ANKRD11: variants seen among roughly 807,000 people sequenced by gnomAD.
ANKRD11 encodes the protein ankyrin repeat domain 11.
Under a neutral mutation model 195.7 loss-of-function variants are expected in ANKRD11, and 17 were observed. That is an observed-to-expected ratio of 0.09 (90% CI 0.06 to 0.13). The LOEUF is 0.13. ANKRD11 is among the 10% of genes least tolerant of loss of function. The pLI is 1.00. For missense variants in ANKRD11, 3,735 were observed against 3,566.1 expected, an observed-to-expected ratio of 1.05 and a Z score of -1.21; for synonymous variants, 1,953 against 1,528.1, an observed-to-expected ratio of 1.28 and a Z score of -6.49.
Position 89,267,907 on chromosome 16 carries a change from A to G in ANKRD11, c.*571T>C, listed in dbSNP as rs2032765248. The G allele has an allele frequency of 1.3e-5, 2 of 157,416 alleles. No homozygotes were observed. Among genetic ancestry groups the G allele is most frequent in the African/African-American group, 4.8e-5 (2 of 41,408 alleles). The allele number at this position is 157,416 out of a possible 1,614,324, so 9.8% of individuals were successfully genotyped here. The stretch of plus-strand genomic sequence containing the variant: ...ACCACGCGGATTTGACTCCATTTCA[A>G]TACGGCTGGGAGTCCTGGCTCTGTG... On this transcript the variant is annotated 3_prime_UTR_variant, in exon 13 of 13. Transcript: ENST00000301030.
chr16:89,416,724 G>A (rs2042325523), intron 2 of ANKRD11, among the ~76,000 whole-genome samples: 1 of 150,794 alleles, frequency 6.6e-6, no homozygotes, highest in Non-Finnish European at 1.5e-5. Flanking sequence ...GAGAGCAGGG[G>A]TTCAAGACAG....
intron 1 of ANKRD11, among the ~76,000 whole-genome samples, chr16:89,452,025 G>A (rs187543754): frequency 1.1e-4 from 17 of 152,202 alleles, no homozygotes; most frequent in East Asian, 7.7e-4. Flanking sequence ...TTGGGAGGCC[G>A]AGGCAGGTGG....
chr16:89,309,107 C>T (rs374738402), intron 3 of ANKRD11, among the ~76,000 whole-genome samples: 133 of 152,300 alleles, frequency 8.7e-4, no homozygotes, highest in Middle Eastern at 6.8e-3. Context: ...CACCATGTGA[C>T]GCCACCACAC....
rs1470161221 is a variant in ANKRD11, at chr16:89,284,430, T to C, written c.2112A>G (p.Lys704=). 1 of 1,613,330 alleles carries C rather than the reference T, an allele frequency of 6.2e-7. No individual in the cohort carries two copies. Among genetic ancestry groups the C allele is most frequent in the Non-Finnish European group, 8.5e-7 (1 of 1,179,928 alleles). ...FKKEEKLSKM[K]LEEKEWLFKD... ...TAAAGAGCCATTCTTTTTCTTCTAA[T>C]TTCATTTTGCTAAGTTTCTCTTCTT... The change falls in exon 9 of 13, where the codon AAA becomes AAG. Residue 704 remains lysine (K), a synonymous_variant. Coordinates refer to ENST00000301030, the MANE Select transcript of ANKRD11 (RefSeq NM_013275.6).
At chr16:89,271,075 C>T (rs1186831170) in intron 11 of ANKRD11, 166 bp from the exon 12 acceptor site, 4 of 693,206 alleles carry the variant, frequency 5.8e-6, no homozygotes, top group South Asian at 1.6e-5. Context: ...GGCAGGCGCA[C>T]CCTGCCCATC....
At position 89,283,277 on chromosome 16, in the gene ANKRD11, TCTC is replaced by T. The variant is rs780245711; in HGVS notation, c.3262_3264del (p.Glu1088del). 2.5e-6 allele frequency: 4 copies of T among 1,614,064 alleles called. No homozygotes were observed. Among genetic ancestry groups the T allele is most frequent in the South Asian group, 2.2e-5 (2 of 91,090 alleles). On this transcript the variant is annotated inframe_deletion, in exon 9 of 13. Coordinates refer to ENST00000301030, the MANE Select transcript of ANKRD11 (RefSeq NM_013275.6). The surrounding 1 kb of genome is among the most constrained non-coding windows in gnomAD (Gnocchi z 4.3). ...TCTGAGATGATCCCAGGGAAAGCCT[TCTC>T]CTTCTTCTCTTTCCCTTGGTCGAGA...
intron 2 of ANKRD11, among the ~76,000 whole-genome samples, chr16:89,402,703 C>T (rs1275109883): frequency 1.2e-5 from 1 of 83,790 alleles, no homozygotes; most frequent in Non-Finnish European, 2.4e-5. Context: ...GGTGGCTCTG[C>T]GAGGTTAGGA....
intron 1 of ANKRD11, among the ~76,000 whole-genome samples, chr16:89,425,635 TGGGCCG>T (rs1436105046): frequency 6.6e-6 from 1 of 152,146 alleles, no homozygotes; most frequent in Non-Finnish European, 1.5e-5. Context: ...GCGGACAAGG[TGGGCCG>T]GTTATTTCGA....
In ANKRD11 at chr16:89,355,563, C is replaced by T. The variant is rs761445858; in HGVS notation, c.-59-38485G>A. 4.1e-4 allele frequency among the ~76,000 whole-genome samples: 63 copies of T among 152,266 alleles called. 2 individuals carry two copies. Among genetic ancestry groups the T allele is most frequent in the African/African-American group, 2.4e-4 (10 of 41,544 alleles). On this transcript the variant is annotated intron_variant, in intron 2 of 12. Coordinates refer to ENST00000301030, the MANE Select transcript of ANKRD11 (RefSeq NM_013275.6). ...TGAACGCTCTCTCTTCCAGCAGGGA[C>T]GGCCCCAGACATCGAGTATCACAAC...
At chr16:89,389,185 A>ATT (rs879261011) in intron 2 of ANKRD11, among the ~76,000 whole-genome samples, 3 of 146,572 alleles carry the variant, frequency 2.0e-5, no homozygotes, top group Non-Finnish European at 4.5e-5. Flanking sequence ...CGTCTGGCTA[A>ATT]TTTTTTTTTT....
chr16:89,395,240 A>T (rs1039626213), intron 2 of ANKRD11, among the ~76,000 whole-genome samples: 1 of 152,246 alleles, frequency 6.6e-6, no homozygotes, highest in African/African-American at 2.4e-5. Flanking sequence ...CAAGCCAAGT[A>T]AACTGGCTGA....
Position 89,291,733 on chromosome 16 carries a change from C to G in ANKRD11, c.227-550G>C. ...TCTCATGCCATGGTGCTTCGAGGAG[C>G]GTACCAGCCTTGCAGCACCACAACA... On this transcript the variant is annotated intron_variant, in intron 4 of 12. Transcript: ENST00000301030. This position sits in a 1 kb window ranked among gnomAD's most constrained non-coding sequence, Gnocchi z 5.3. 1 of 1,289,848 alleles carries G rather than the reference C, an allele frequency of 7.8e-7. No individual in the cohort carries two copies. The highest frequency in any genetic ancestry group is 1.0e-6 in the Non-Finnish European group (1 of 988,882). The allele number at this position is 1,289,848 out of a possible 1,614,324, so 79.9% of individuals were successfully genotyped here.
At chr16:89,308,921 C>T (rs1031400049) in intron 3 of ANKRD11, among the ~76,000 whole-genome samples, 6 of 152,144 alleles carry the variant, frequency 3.9e-5, no homozygotes, top group South Asian at 2.1e-4. Flanking sequence ...GGAGGAGCCC[C>T]GTGCATGCAG....
intron 3 of ANKRD11, among the ~76,000 whole-genome samples, chr16:89,309,437 G>A (rs2036488832): frequency 6.6e-6 from 1 of 152,226 alleles, no homozygotes; most frequent in Admixed American, 6.5e-5. Flanking sequence ...TCATCTGGGT[G>A]GTGATTATCC....
At chr16:89,371,383 T>C (rs2040185502) in intron 2 of ANKRD11, among the ~76,000 whole-genome samples, 1 of 152,198 alleles carries the variant, frequency 6.6e-6, no homozygotes. Context: ...TTTTATGTCA[T>C]TTAAATCAAG....
chr16:89,344,796 G>A (rs916526258), intron 2 of ANKRD11, among the ~76,000 whole-genome samples: 5 of 152,170 alleles, frequency 3.3e-5, no homozygotes, highest in African/African-American at 1.2e-4. Flanking sequence ...AGAGGCGGCT[G>A]GAGCAGCAGC....
At chr16:89,460,889 T>C (rs764096432) in intron 1 of ANKRD11, among the ~76,000 whole-genome samples, 63 of 152,026 alleles carry the variant, frequency 4.1e-4, no homozygotes, top group Admixed American at 1.7e-3. Context: ...AGGACAAATA[T>C]TGTATGACCC....
chr16:89,372,510 CA>C (rs887541271), intron 2 of ANKRD11, among the ~76,000 whole-genome samples: 4 of 152,156 alleles, frequency 2.6e-5, no homozygotes, highest in African/African-American at 9.7e-5. Context: ...GGAAGGTTTC[CA>C]GCTGACAGAG....
intron 1 of ANKRD11, among the ~76,000 whole-genome samples, chr16:89,427,259 G>A (rs560482686): frequency 2.0e-5 from 3 of 152,252 alleles, no homozygotes; most frequent in Admixed American, 1.3e-4. Flanking sequence ...GAAAGAAACC[G>A]AAGACCTAAA....
Sources: gnomAD v4.1 joint callset for allele counts (sites outside exome capture counted in the v4.1 genomes callset) on GRCh38, gnomAD v4.1.1 for gene constraint, Gnocchi (gnomAD v3.1) non-coding constraint, MANE v1.5 for transcripts, NCBI Gene and HGNC (gene_info 2026-07-23, HGNC 2026-07-21) for gene names.